The following MYO16 variants were observed in gnomAD, a reference collection of about 807,000 sequenced individuals.
MYO16 encodes the protein myosin XVI.
MYO16 carries 94 observed loss-of-function variants against 205.3 expected under a neutral mutation model. The ratio of observed to expected loss-of-function variants is 0.46; its 90% CI spans 0.39 to 0.54. MYO16 has a LOEUF of 0.54. MYO16 is among the 20% of genes least tolerant of loss of function. The pLI is 0.00. For missense variants in MYO16, 2,315 were observed against 2,387.5 expected, an observed-to-expected ratio of 0.97 and a Z score of 0.63; for synonymous variants, 988 against 954.0, an observed-to-expected ratio of 1.04 and a Z score of -0.66.
chr13:108,926,542 C>T (rs1349420834), intron 16 of MYO16, among the ~76,000 whole-genome samples: 1 of 152,072 alleles, frequency 6.6e-6, no homozygotes, highest in Non-Finnish European at 1.5e-5. Context: ...GGTCGGGAGC[C>T]AGCCAGAGAG....
At chr13:108,698,533 C>G (rs541901006) in intron 2 of MYO16, among the ~76,000 whole-genome samples, 2 of 152,190 alleles carry the variant, frequency 1.3e-5, no homozygotes, top group African/African-American at 2.4e-5. Context: ...TTAATTAAAA[C>G]CTGACAAGAT....
At chr13:108,784,762 G>T (rs1302312448) in intron 4 of MYO16, among the ~76,000 whole-genome samples, 2 of 152,174 alleles carry the variant, frequency 1.3e-5, no homozygotes, top group African/African-American at 4.8e-5. Flanking sequence ...TGAGTTTAAT[G>T]ACATGTTACT....
intron 3 of MYO16, among the ~76,000 whole-genome samples, chr13:108,716,370 T>C (rs1180987847): frequency 6.6e-6 from 1 of 152,182 alleles, no homozygotes; most frequent in African/African-American, 2.4e-5. Flanking sequence ...CCCAACCCAG[T>C]GCAAGGATAT....
chr13:108,720,590 T>G (rs1374574522), intron 3 of MYO16, among the ~76,000 whole-genome samples: 1 of 152,254 alleles, frequency 6.6e-6, no homozygotes, highest in African/African-American at 2.4e-5. Context: ...GTTGTTGTTG[T>G]TTTTTAATTT....
chr13:108,934,928 C>T lies in MYO16; in HGVS notation c.1926-22760C>T, dbSNP rs116661413. Among the ~76,000 whole-genome samples the T allele has an allele frequency of 2.0e-3, 298 of 151,888 alleles. 3 individuals are homozygous for T. The highest frequency in any genetic ancestry group is 6.9e-3 in the African/African-American group (286 of 41,460). On this transcript the variant is annotated intron_variant, in intron 16 of 34. Transcript: ENST00000457511. ...TGCTGACTTTGTTGAGATTAGATGA[C>T]GGTGGTTAAGTGGCTATATTTCTGG...
At chr13:108,519,306 G>A in the MYO16 span, among the ~76,000 whole-genome samples, 2 of 152,166 alleles carry the variant, frequency 1.3e-5, no homozygotes, top group Non-Finnish European at 2.9e-5. Flanking sequence ...TCCACAGAGT[G>A]CAGCCTGCTT....
chr13:108,799,473 A>G lies in MYO16; in HGVS notation c.741+5833A>G, dbSNP rs977224478. ...GTAATTACCATGATTTTAAGGTGGC[A>G]TTGACCATGAATGCTATCTTGAGGT... On this transcript the variant is annotated intron_variant, in intron 6 of 34. Coordinates refer to ENST00000457511, the MANE Select transcript of MYO16 (RefSeq NM_001198950.3). 2.0e-5 allele frequency among the ~76,000 whole-genome samples: 3 copies of G among 152,226 alleles called. No homozygotes were observed. In the East Asian group the frequency reaches 5.8e-4, roughly 29 times the overall value.
rs763567702 is a variant in MYO16 at position 109,046,998 on chromosome 13, T to G, written c.2872+7T>G. 27 of 1,594,092 alleles carry G rather than the reference T, an allele frequency of 1.7e-5. No homozygotes were observed. In the Admixed American group the frequency reaches 3.0e-4, roughly 18 times the overall value. On this transcript the variant is annotated splice_region_variant and intron_variant, in intron 24 of 34. Transcript: ENST00000457511. Reference sequence around the variant, plus strand: ...CTTCTATTTGTAATGAAAAGTAAGTTGATTTTTTTTCCTGCCCTACACTGG... The same window carrying G: ...CTTCTATTTGTAATGAAAAGTAAGTGGATTTTTTTTCCTGCCCTACACTGG...
chr13:109,202,048 G>GTA (rs906554073), intron 34 of MYO16, among the ~76,000 whole-genome samples: 9 of 151,460 alleles, frequency 5.9e-5, no homozygotes, highest in Admixed American at 2.0e-4. Flanking sequence ...CATATATGGG[G>GTA]TATATATATA....
At chr13:108,949,928 G>A (rs1566427878) in intron 16 of MYO16, among the ~76,000 whole-genome samples, 1 of 151,964 alleles carries the variant, frequency 6.6e-6, no homozygotes, top group Non-Finnish European at 1.5e-5. Flanking sequence ...ACAATCGAGT[G>A]GAGGAAAGAT....
chr13:109,198,423 C>G (rs568321168), intron 34 of MYO16, among the ~76,000 whole-genome samples: 5,540 of 152,136 alleles, frequency 0.036, 147 homozygotes, highest in South Asian at 0.07. Flanking sequence ...TTCAAAAAAG[C>G]TGTAAGAGTT....
In MYO16 at chr13:108,621,953, A is replaced by T. The variant is rs375888060; in HGVS notation, c.-39+25714A>T. The stretch of plus-strand genomic sequence containing the variant: ...ATAAACTAAACTTTATCATAGGAAT[A>T]GTATAGAAATGTATAGAAAAAAAAA... On this transcript the variant is annotated intron_variant, in intron 1 of 24. Coordinates refer to the MYO16 transcript ENST00000251041. Among the ~76,000 whole-genome samples, 15 of 152,044 alleles carry T rather than the reference A, an allele frequency of 9.9e-5. No homozygotes were observed. In the East Asian group the frequency reaches 2.5e-3, roughly 25 times the overall value.
At position 109,052,283 on chromosome 13, in the gene MYO16, A is replaced by G. The variant is rs953481297; in HGVS notation, c.2873-17A>G. ...AATTTTAGTGCCACTTACGATATTC[A>G]TTTATTTATTTCCTAGCTAGTGAAA... On this transcript the variant is annotated splice_polypyrimidine_tract_variant and intron_variant, in intron 24 of 34. Coordinates refer to ENST00000457511, the MANE Select transcript of MYO16 (RefSeq NM_001198950.3). 4 of 1,604,946 alleles carry G rather than the reference A, an allele frequency of 2.5e-6. No individual in the cohort carries two copies. Among genetic ancestry groups the G allele is most frequent in the Non-Finnish European group, 3.4e-6 (4 of 1,172,708 alleles).
At chr13:108,835,272 A>T (rs1200998710) in intron 9 of MYO16, among the ~76,000 whole-genome samples, 2 of 152,056 alleles carry the variant, frequency 1.3e-5, no homozygotes, top group Non-Finnish European at 2.9e-5. Flanking sequence ...TTCTCACAAG[A>T]TCTGATGGTT....
chr13:108,781,251 T>C (rs1266089719), intron 4 of MYO16, among the ~76,000 whole-genome samples: 1 of 152,202 alleles, frequency 6.6e-6, no homozygotes, highest in East Asian at 1.9e-4. Flanking sequence ...ATCCCTGCAG[T>C]TCTGTCTGTT....
chr13:108,775,838 T>C lies in MYO16; in HGVS notation c.508-9797T>C, dbSNP rs543381659. Among the ~76,000 whole-genome samples the C allele has an allele frequency of 3.3e-5, 5 of 152,314 alleles. No individual in the cohort carries two copies. The South Asian group carries it at 1.0e-3, about 32-fold the overall frequency. ...TTAATTCATTCAACGGGAAGAATTA[T>C]GGTGTTTGCACATGTGCGAGGGTGA... On this transcript the variant is annotated intron_variant, in intron 4 of 34. Coordinates refer to ENST00000457511, the MANE Select transcript of MYO16 (RefSeq NM_001198950.3).
chr13:109,014,834 A>T (rs1453422058), intron 22 of MYO16, among the ~76,000 whole-genome samples: 3 of 152,198 alleles, frequency 2.0e-5, no homozygotes, highest in African/African-American at 7.2e-5. Flanking sequence ...GCTTTGCTGA[A>T]ATTGCTTATC....
chr13:108,930,431 A>G (rs116787961), intron 16 of MYO16, among the ~76,000 whole-genome samples: 4,468 of 152,290 alleles, frequency 0.029, 228 homozygotes, highest in African/African-American at 0.1. Flanking sequence ...AACAGCAGCA[A>G]ATATAATCTA....
the MYO16 span, among the ~76,000 whole-genome samples, chr13:108,548,829 C>T: frequency 1.6e-4 from 24 of 152,014 alleles, no homozygotes; most frequent in Admixed American, 9.8e-4. Context: ...TTGTAACTAG[C>T]CTTACTAGTA....
Sources: gnomAD v4.1 joint callset for allele counts (sites outside exome capture counted in the v4.1 genomes callset) on GRCh38, gnomAD v4.1.1 for gene constraint, MANE v1.5 for transcripts, NCBI Gene and HGNC (gene_info 2026-07-23, HGNC 2026-07-21) for gene names.